HMCN2: variants seen among roughly 807,000 people sequenced by gnomAD.
HMCN2 encodes the protein hemicentin-2.
Under a neutral mutation model 377.5 loss-of-function variants are expected in HMCN2, and 325 were observed. The ratio of observed to expected loss-of-function variants is 0.86; its 90% CI spans 0.79 to 0.94. The LOEUF (loss-of-function observed/expected upper bound fraction) is 0.94, where lower values mean the gene tolerates loss of function less well. Ranked by LOEUF, HMCN2 falls within the 40% of genes least tolerant of loss-of-function variation. The pLI is 0.00. For missense variants in HMCN2, 4,543 were observed against 4,725.3 expected (o/e 0.96, Z 1.13); for synonymous variants, 2,007 against 2,046.8 (o/e 0.98, Z 0.53).
At chr9:130,323,002 G>A (rs1284561880) in intron 19 of HMCN2, among the ~76,000 whole-genome samples, 2 of 152,188 alleles carry the variant, frequency 1.3e-5, no homozygotes, top group Non-Finnish European at 2.9e-5. Context: ...GCGCTCAGGT[G>A]CAATTCTAGG....
chr9:130,409,898 G>A (rs938787489), intron 84 of HMCN2, among the ~76,000 whole-genome samples: 1 of 152,146 alleles, frequency 6.6e-6, no homozygotes, highest in African/African-American at 2.4e-5. Context: ...GGGAGTGGAC[G>A]TGGCCTCAGG....
chr9:130,353,539 A>G (rs188092286), intron 31 of HMCN2, among the ~76,000 whole-genome samples: 110 of 152,330 alleles, frequency 7.2e-4, no homozygotes, highest in African/African-American at 2.5e-3. Flanking sequence ...AACTGCCCTC[A>G]GCTCATCACT....
chr9:130,365,723 C>G lies in HMCN2; in HGVS notation c.6501C>G (p.Val2167=). The part of the protein sequence containing the change: ...GHSEKHYNLN[V]WVAPVFPLRE... ...CAGAGAAACACTACAATCTGAACGTCTGGGGTGAGGGTCTCCCAGGCTGGG... is the reference window on the plus strand; with the variant it reads ...CAGAGAAACACTACAATCTGAACGTGTGGGGTGAGGGTCTCCCAGGCTGGG... The change falls in exon 42 of 98, where the codon GTC becomes GTG. Residue 2167 remains valine (V), a synonymous_variant. Coordinates refer to ENST00000683500, the MANE Select transcript of HMCN2 (RefSeq NM_001291815.2). The G allele has an allele frequency of 1.0e-6, 1 of 985,878 alleles. No individual in the cohort carries two copies. Among genetic ancestry groups the G allele is most frequent in the Non-Finnish European group, 1.2e-6 (1 of 829,930 alleles). The allele number at this position is 985,878 out of a possible 1,614,324, so 61.1% of individuals were successfully genotyped here.
intron 15 of HMCN2, among the ~76,000 whole-genome samples, chr9:130,312,320 G>A (rs950062675): frequency 1.3e-3 from 192 of 152,080 alleles, no homozygotes; most frequent in South Asian, 0.011. Context: ...TCTGTGGCAC[G>A]TGAGCTGTGA....
intron 21 of HMCN2, among the ~76,000 whole-genome samples, chr9:130,327,038 C>A (rs972447343): frequency 3.4e-5 from 5 of 147,308 alleles, no homozygotes; most frequent in Non-Finnish European, 6.0e-5. Flanking sequence ...AGGCACAGAC[C>A]GTAGGGCAGG....
intron 43 of HMCN2, among the ~76,000 whole-genome samples, chr9:130,366,467 A>ATTC (rs1840692745): frequency 1.2e-5 from 1 of 82,976 alleles, no homozygotes. Context: ...CACTTCACCA[A>ATTC]TTTTTTTTTT....
Position 130,369,845 on chromosome 9 carries a change from G to A in HMCN2, c.7063G>A (p.Val2355Ile), listed in dbSNP as rs527927244. ...GRAERKFELS[V>I]LVPPELIGDL... is the part of the protein sequence containing the mutation. ...GGCAGAGAGGAAGTTTGAGCTCTCC[G>A]TACTGGGTGAGGACCGGCAGCTGCT... is the stretch of plus-strand genomic sequence containing the variant. The change falls in exon 45 of 98, where the codon GTA becomes ATA. Residue 2355 changes from valine to isoleucine, a missense_variant. This residue lies in a region of HMCN2 where 1,032 missense variants were observed against 1,285.1 expected (regional missense o/e 0.80). Transcript: ENST00000683500. This position sits in a 1 kb window ranked among gnomAD's most constrained non-coding sequence, Gnocchi z 4.5. 26 of 986,214 alleles carry A rather than the reference G, an allele frequency of 2.6e-5. No individual in the cohort carries two copies. The highest frequency in any genetic ancestry group is 6.1e-5 in the Admixed American group (1 of 16,286). 61.1% of individuals were successfully genotyped at this position (986,214 alleles called of 1,614,324 possible).
At position 130,382,169 on chromosome 9, in the gene HMCN2, C is replaced by A; in HGVS notation, c.8432-15C>A. ...CTCGTGCCTGAGCCCAGGCCTCTGT[C>A]CCGTGTCCCTGCAGGAGGCCGGGTC... On this transcript the variant is annotated splice_polypyrimidine_tract_variant and intron_variant, in intron 54 of 97. Coordinates refer to ENST00000683500, the MANE Select transcript of HMCN2 (RefSeq NM_001291815.2). 2.0e-6 allele frequency: 2 copies of A among 982,648 alleles called. No individual in the cohort carries two copies. Among genetic ancestry groups the A allele is most frequent in the Non-Finnish European group, 2.4e-6 (2 of 827,012 alleles). 60.9% of individuals were successfully genotyped at this position (982,648 alleles called of 1,614,324 possible).
chr9:130,400,373 G>C lies in HMCN2; in HGVS notation c.11606-410G>C, dbSNP rs966171711. On this transcript the variant is annotated intron_variant, in intron 76 of 97. Transcript: ENST00000683500. ...AGCTATAGTGCACTATGCTGATTGG[G>C]TGTTCGCACTAAGTTCAGCATCAAT... The C allele has an allele frequency of 1.2e-5, 2 of 162,752 alleles. 1 individual carries two copies. 10.1% of individuals were successfully genotyped at this position (162,752 alleles called of 1,614,324 possible). A position where few individuals can be genotyped will look rare whatever the true frequency, so the allele number is the denominator to read the frequency against.
chr9:130,268,114 C>T (rs150872829), intron 1 of HMCN2, among the ~76,000 whole-genome samples: 62 of 152,332 alleles, frequency 4.1e-4, no homozygotes, highest in African/African-American at 1.4e-3. Context: ...AGTGGCCCAG[C>T]AGGATAGCAG....
chr9:130,426,419 G>A (rs867128874), intron 90 of HMCN2, among the ~76,000 whole-genome samples: 5 of 152,228 alleles, frequency 3.3e-5, no homozygotes, highest in African/African-American at 7.2e-5. Flanking sequence ...TAAGAGCACC[G>A]CTTTGAGGTC....
At chr9:130,425,651 A>ACCCCCCCCCC in intron 89 of HMCN2, 36 bp from the exon 90 acceptor site, 1 of 432,322 alleles carries the variant, frequency 2.3e-6, no homozygotes, top group South Asian at 2.7e-5. Context: ...CCTCTCCCCC[A>ACCCCCCCCCC]CCCCTCCTCC....
intron 43 of HMCN2, among the ~76,000 whole-genome samples, chr9:130,366,467 ATTTTTTTT>A (rs71499234): frequency 2.7e-4 from 22 of 82,982 alleles, no homozygotes; most frequent in Middle Eastern, 0.02. Context: ...CACTTCACCA[ATTTTTTTT>A]TTTTTTTTTT....
intron 86 of HMCN2, among the ~76,000 whole-genome samples, chr9:130,421,507 C>T (rs1436346257): frequency 6.6e-6 from 1 of 152,194 alleles, no homozygotes; most frequent in East Asian, 1.9e-4. Context: ...CTACGTCACT[C>T]CATGTCTGAG....
intron 85 of HMCN2, 93 bp downstream of exon 85, chr9:130,410,745 G>A: frequency 3.9e-6 from 4 of 1,037,652 alleles, no homozygotes; most frequent in Non-Finnish European, 4.4e-6. Context: ...GCAGGGCTGG[G>A]ACTTGGAATT....
At chr9:130,287,644 C>T (rs1835490498) in intron 4 of HMCN2, among the ~76,000 whole-genome samples, 1 of 150,218 alleles carries the variant, frequency 6.7e-6, no homozygotes, top group Non-Finnish European at 1.5e-5. Context: ...AACTTTATAA[C>T]TGTGCGATTA....
chr9:130,307,290 G>A (rs191804249), intron 13 of HMCN2, among the ~76,000 whole-genome samples, 163 bp from the exon 14 acceptor site: 1 of 152,270 alleles, frequency 6.6e-6, no homozygotes, highest in African/African-American at 2.4e-5. Context: ...AGGGTCATAG[G>A]TGGAGGGACC....
In HMCN2 at chr9:130,400,893, A is replaced by C. The variant is rs1287385906; in HGVS notation, c.11716A>C (p.Lys3906Gln). The part of the protein sequence containing the change: ...GIPAPTVSWS[K>Q]AGAQLGARGS... ...ACCAGCTCCGACCGTGTCCTGGAGCAAGGCAGGCGCCCAGCTAGGAGCTCG... is the reference window on the plus strand; with the variant it reads ...ACCAGCTCCGACCGTGTCCTGGAGCCAGGCAGGCGCCCAGCTAGGAGCTCG... The change falls in exon 77 of 98, where the codon AAG (lysine) becomes CAG (glutamine). Residue 3906 changes from lysine to glutamine, a missense_variant. By Grantham distance (53) the Lys-to-Gln change is moderately conservative (BLOSUM62 1). Transcript: ENST00000683500. 7.8e-7 allele frequency: 1 copy of C among 1,289,430 alleles called. No homozygotes were observed. Among genetic ancestry groups the C allele is most frequent in the Non-Finnish European group, 1.0e-6 (1 of 988,766 alleles). The allele number at this position is 1,289,430 out of a possible 1,614,324, so 79.9% of individuals were successfully genotyped here. A position where few individuals can be genotyped will look rare whatever the true frequency, so the allele number is the denominator to read the frequency against.
intron 7 of HMCN2, among the ~76,000 whole-genome samples, chr9:130,297,911 A>G (rs1452570381): frequency 1.3e-5 from 2 of 152,300 alleles, no homozygotes; most frequent in South Asian, 4.2e-4. Context: ...GCAGGAGGCC[A>G]CATGCGACCC....
Sources: allele counts gnomAD v4.1 joint callset (sites outside exome capture counted in the v4.1 genomes callset), GRCh38; gene constraint gnomAD v4.1.1; regional missense constraint gnomAD v4.1.1; non-coding constraint Gnocchi (gnomAD v3.1); transcripts MANE v1.5; gene names NCBI Gene and HGNC (gene_info 2026-07-23, HGNC 2026-07-21).